The following DCC variants were observed in gnomAD, a reference collection of about 807,000 sequenced individuals.
The protein encoded by DCC is netrin receptor DCC.
Under a neutral mutation model 172.5 loss-of-function variants are expected in DCC, and 58 were observed. The observed-to-expected ratio is 0.34, with a 90% CI of 0.27 to 0.42. The LOEUF is 0.42. Among genes scored for constraint, DCC ranks in the 10% least tolerant of loss-of-function variants. The probability of loss-of-function intolerance (pLI) is 1.00; values close to 1 mark genes in which losing one functional copy is unlikely to be tolerated. For missense variants in DCC, 1,740 were observed against 1,791.0 expected, an observed-to-expected ratio of 0.97 and a Z score of 0.51; for synonymous variants, 709 against 644.5, an observed-to-expected ratio of 1.10 and a Z score of -1.52.
intron 19 of DCC, among the ~76,000 whole-genome samples, chr18:53,408,389 A>G (rs959496073): frequency 1.3e-5 from 2 of 152,194 alleles, no homozygotes. Context: ...AAGCTTATGT[A>G]ATTGTTGTCA....
At chr18:53,334,644 T>C (rs2057571406) in intron 14 of DCC, among the ~76,000 whole-genome samples, 1 of 152,164 alleles carries the variant, frequency 6.6e-6, no homozygotes, top group Non-Finnish European at 1.5e-5. Context: ...TGAATTTAAC[T>C]TCCCTGGGTA....
intron 15 of DCC, among the ~76,000 whole-genome samples, chr18:53,366,294 C>G (rs187326811): frequency 6.6e-6 from 1 of 152,018 alleles, no homozygotes; most frequent in African/African-American, 2.4e-5. Context: ...GTGATCTGCC[C>G]GACTCAGCCT....
At chr18:53,155,542 A>G (rs964858190) in intron 7 of DCC, among the ~76,000 whole-genome samples, 2 of 152,162 alleles carry the variant, frequency 1.3e-5, no homozygotes, top group Non-Finnish European at 2.9e-5. Context: ...GTAATAGAAA[A>G]CCCTGTCTTA....
At chr18:53,003,298 A>T (rs1168277970) in intron 5 of DCC, among the ~76,000 whole-genome samples, 1 of 152,164 alleles carries the variant, frequency 6.6e-6, no homozygotes, top group East Asian at 1.9e-4. Context: ...TCGATACATA[A>T]TTGAAAATGC....
At chr18:52,963,962 G>A (rs1452363741) in intron 5 of DCC, among the ~76,000 whole-genome samples, 1 of 151,862 alleles carries the variant, frequency 6.6e-6, no homozygotes, top group African/African-American at 2.4e-5. Flanking sequence ...ATTTTAAAAA[G>A]GTGCATAAGG....
chr18:53,446,588 T>C (rs1171437372), intron 22 of DCC, among the ~76,000 whole-genome samples: 3 of 152,200 alleles, frequency 2.0e-5, no homozygotes, highest in Non-Finnish European at 4.4e-5. Context: ...TATTAAGATA[T>C]AGATCCTCAT....
chr18:52,939,756 A>C (rs1355160954), intron 5 of DCC, among the ~76,000 whole-genome samples: 1 of 152,152 alleles, frequency 6.6e-6, no homozygotes, highest in Non-Finnish European at 1.5e-5. Context: ...ATCATGCCAG[A>C]AAGTAGAACT....
chr18:52,974,501 C>G (rs139429515), intron 5 of DCC, among the ~76,000 whole-genome samples: 194 of 152,226 alleles, frequency 1.3e-3, no homozygotes, highest in African/African-American at 4.5e-3. Context: ...TGCAGCAAAT[C>G]AAAACACAAG....
chr18:53,256,380 A>G (rs1243908357), intron 12 of DCC, among the ~76,000 whole-genome samples: 2 of 152,036 alleles, frequency 1.3e-5, no homozygotes, highest in Admixed American at 6.6e-5. Flanking sequence ...ATCTTGAATT[A>G]ATTTTTGTAT....
intron 28 of DCC, 175 bp from the exon 29 acceptor site, chr18:53,530,389 C>G (rs780641055): frequency 9.9e-6 from 7 of 705,940 alleles, no homozygotes; most frequent in Non-Finnish European, 1.8e-5. Context: ...CTCTTATTAT[C>G]CCCTTTTATT....
At chr18:52,926,779 C>CTATA (rs34422729) in intron 5 of DCC, among the ~76,000 whole-genome samples, 146 of 147,126 alleles carry the variant, frequency 9.9e-4, no homozygotes, top group Non-Finnish European at 1.2e-3. Flanking sequence ...CTAAATTAGT[C>CTATA]TCTATATATA....
chr18:52,803,661 T>G (rs2038035216), intron 2 of DCC, among the ~76,000 whole-genome samples: 1 of 152,076 alleles, frequency 6.6e-6, no homozygotes, highest in South Asian at 2.1e-4. Flanking sequence ...CCAAAAAAAG[T>G]TTCCAAAATG....
intron 2 of DCC, among the ~76,000 whole-genome samples, chr18:52,842,009 T>C (rs2038815382): frequency 7.0e-6 from 1 of 142,074 alleles, no homozygotes; most frequent in Non-Finnish European, 1.5e-5. Context: ...TTTGCGCATA[T>C]ATATATATAT....
chr18:52,664,361 A>AT (rs201496573), intron 1 of DCC, among the ~76,000 whole-genome samples: 1,845 of 151,892 alleles, frequency 0.012, 31 homozygotes, highest in African/African-American at 0.042. Flanking sequence ...CTTTTGCTAC[A>AT]TTTTTTTAAA....
intron 25 of DCC, among the ~76,000 whole-genome samples, chr18:53,485,233 CTA>C (rs1354344630): frequency 5.3e-5 from 8 of 152,010 alleles, no homozygotes; most frequent in African/African-American, 1.9e-4. Flanking sequence ...CTACATGTAT[CTA>C]TATGTGTCTC....
intron 9 of DCC, among the ~76,000 whole-genome samples, chr18:53,187,129 CTTTTTTTTTTT>C (rs1392360531): frequency 6.9e-6 from 1 of 144,474 alleles, no homozygotes; most frequent in Non-Finnish European, 1.5e-5. Flanking sequence ...TTTTTTTTTT[CTTTTTTTTTTT>C]GAGATGGAAT....
chr18:52,387,777 C>A (rs891704351), intron 1 of DCC, among the ~76,000 whole-genome samples: 29 of 152,170 alleles, frequency 1.9e-4, no homozygotes, highest in African/African-American at 6.7e-4. Flanking sequence ...TTCAAATATT[C>A]TGCTGCAATG....
At chr18:53,271,314 T>A (rs977551725) in intron 12 of DCC, among the ~76,000 whole-genome samples, 3 of 152,192 alleles carry the variant, frequency 2.0e-5, no homozygotes, top group African/African-American at 7.2e-5. Context: ...GTAATACTTA[T>A]CTATTATTGC....
chr18:52,482,185 C>T (rs981519294), intron 1 of DCC, among the ~76,000 whole-genome samples: 3 of 152,138 alleles, frequency 2.0e-5, no homozygotes, highest in Admixed American at 6.6e-5. Context: ...ACCCCTAATC[C>T]TCCTAATAGA....
Sources: gnomAD v4.1 joint callset for allele counts (sites outside exome capture counted in the v4.1 genomes callset) on GRCh38, gnomAD v4.1.1 for gene constraint, MANE v1.5 for transcripts, NCBI Gene and HGNC (gene_info 2026-07-23, HGNC 2026-07-21) for gene names.